IQGAP2: variants seen among roughly 807,000 people sequenced by gnomAD.
IQGAP2 encodes the protein IQ motif containing GTPase activating protein 2, also known as ras GTPase-activating-like protein IQGAP2.
In IQGAP2, 173 loss-of-function variants were observed where a neutral mutation model predicts 201.3. The ratio of observed to expected loss-of-function variants is 0.86; its 90% CI spans 0.76 to 0.98. The LOEUF (loss-of-function observed/expected upper bound fraction) is 0.98, where lower values mean the gene tolerates loss of function less well. Among genes scored for constraint, IQGAP2 ranks in the 50% least tolerant of loss-of-function variants. The pLI, the probability that IQGAP2 is intolerant of heterozygous loss-of-function variation, is 0.00. For missense variants in IQGAP2, 1,687 were observed against 1,864.8 expected (o/e 0.90, Z 1.76); for synonymous variants, 675 against 673.9 (o/e 1.00, Z -0.03).
At chr5:76,434,840 C>T (rs1235329546) in intron 1 of IQGAP2, among the ~76,000 whole-genome samples, 5 of 150,528 alleles carry the variant, frequency 3.3e-5, no homozygotes, top group Non-Finnish European at 7.4e-5. Context: ...TAAGCATTCC[C>T]TTTTCACCAC....
chr5:76,573,896 T>G (rs1745291943), intron 4 of IQGAP2, among the ~76,000 whole-genome samples: 3 of 151,960 alleles, frequency 2.0e-5, no homozygotes, highest in Admixed American at 2.0e-4. Flanking sequence ...AGCACCACCA[T>G]GCCCAGCTAA....
At chr5:76,442,482 G>T (rs759318882) in intron 1 of IQGAP2, among the ~76,000 whole-genome samples, 1 of 152,190 alleles carries the variant, frequency 6.6e-6, no homozygotes, top group Non-Finnish European at 1.5e-5. Context: ...GGGAGGGAAA[G>T]GAATGTGAAT....
Position 76,597,479 on chromosome 5 carries a change from A to G in IQGAP2, c.948A>G (p.Glu316=). ...AVDHINAVIP[E]GDPENTLLAL... is the part of the protein sequence containing the mutation. ...ACCATATCAATGCTGTCATTCCGGA[A>G]GGTGACCCCGAGAATACGCTGCTTG... The change falls in exon 10 of 36, where the codon GAA becomes GAG. Residue 316 remains glutamate (E), a synonymous_variant. Transcript: ENST00000274364. 1 of 1,614,050 alleles carries G rather than the reference A, an allele frequency of 6.2e-7. No individual in the cohort carries two copies. Among genetic ancestry groups the G allele is most frequent in the Non-Finnish European group, 8.5e-7 (1 of 1,179,996 alleles).
chr5:76,699,309 G>T (rs1373334341), intron 33 of IQGAP2: 1 of 152,040 alleles, frequency 6.6e-6, no homozygotes, highest in Admixed American at 6.5e-5. Context: ...TTTGTTTTAG[G>T]GCCGAATAGT....
intron 2 of IQGAP2, among the ~76,000 whole-genome samples, chr5:76,553,035 A>G (rs10474480): frequency 0.47 from 72,010 of 152,096 alleles, 17,478 homozygotes; most frequent in South Asian, 0.62. Context: ...TATGAGAGAA[A>G]GATAGGGGCC....
At position 76,641,079 on chromosome 5, in the gene IQGAP2, A is replaced by G. The variant is rs780173102; in HGVS notation, c.2070A>G (p.Gln690=). Residue 690 remains glutamine (Q), a synonymous_variant, in exon 17 of 36, where the codon CAA becomes CAG. Coordinates refer to ENST00000274364, the MANE Select transcript of IQGAP2 (RefSeq NM_006633.5). ...CTAGAAAATCATTTTTGCATGAACA[A>G]GAAGAGAATGTGGTCAAAATACAGG... ...FEARKSFLHE[Q]EENVVKIQAF... 3 of 1,604,152 alleles carry G rather than the reference A, an allele frequency of 1.9e-6. No homozygotes were observed. The South Asian group carries it at 3.3e-5, about 18-fold the overall frequency.
chr5:76,509,288 G>A (rs961091363), intron 2 of IQGAP2, among the ~76,000 whole-genome samples: 8 of 152,026 alleles, frequency 5.3e-5, no homozygotes, highest in African/African-American at 1.7e-4. Context: ...TAGTAACACT[G>A]AACAATGTTT....
At chr5:76,479,093 C>T (rs1755620253) in intron 2 of IQGAP2, among the ~76,000 whole-genome samples, 1 of 152,130 alleles carries the variant, frequency 6.6e-6, no homozygotes, top group African/African-American at 2.4e-5. Context: ...CCTCCGCCTT[C>T]CCGCCATGGT....
At chr5:76,588,293 A>G (rs563414398) in intron 5 of IQGAP2, among the ~76,000 whole-genome samples, 1 of 152,246 alleles carries the variant, frequency 6.6e-6, no homozygotes, top group Non-Finnish European at 1.5e-5. Context: ...TTCTTTTCTC[A>G]GGTTATGGGT....
intron 2 of IQGAP2, among the ~76,000 whole-genome samples, chr5:76,505,107 G>T (rs1489882225): frequency 6.6e-6 from 1 of 152,152 alleles, no homozygotes; most frequent in Non-Finnish European, 1.5e-5. Context: ...GGCCTGTATG[G>T]CACCCTCACT....
At chr5:76,541,671 T>C (rs1174610445) in intron 2 of IQGAP2, among the ~76,000 whole-genome samples, 2 of 152,236 alleles carry the variant, frequency 1.3e-5, no homozygotes, top group African/African-American at 4.8e-5. Flanking sequence ...CAACTTCTCA[T>C]CATCCTCACC....
intron 2 of IQGAP2, among the ~76,000 whole-genome samples, chr5:76,516,633 T>C (rs994041380): frequency 1.1e-4 from 16 of 152,134 alleles, no homozygotes; most frequent in Admixed American, 9.2e-4. Flanking sequence ...GGGGAGGGGG[T>C]TGCCGGAATA....
intron 2 of IQGAP2, among the ~76,000 whole-genome samples, chr5:76,490,698 C>G (rs1418550555): frequency 6.6e-6 from 1 of 152,080 alleles, no homozygotes. Context: ...CAGCAAGGAA[C>G]TGTATAGGTT....
At position 76,403,602 on chromosome 5, in the gene IQGAP2, CG is replaced by C; in HGVS notation, c.46+14del. ...GACCCCGCTATGGCTGTAAGTGCGC[CG>C]GGCGCGCGGGGTTCCTGCTGGCCTT... is the stretch of plus-strand genomic sequence containing the variant. On this transcript the variant is annotated intron_variant, in intron 1 of 35. Transcript: ENST00000274364. The surrounding 1 kb of genome is among the most constrained non-coding windows in gnomAD (Gnocchi z 4.8). 6.5e-7 allele frequency: 1 copy of C among 1,527,280 alleles called. No individual in the cohort carries two copies. The highest frequency in any genetic ancestry group is 8.8e-7 in the Non-Finnish European group (1 of 1,140,268). 94.6% of individuals were successfully genotyped at this position (1,527,280 alleles called of 1,614,324 possible).
chr5:76,425,312 C>T (rs1751935071), intron 1 of IQGAP2, among the ~76,000 whole-genome samples: 1 of 152,144 alleles, frequency 6.6e-6, no homozygotes. Flanking sequence ...TGCTTGGTTT[C>T]CTTTTTTCTT....
At chr5:76,479,820 T>C (rs944749899) in intron 2 of IQGAP2, among the ~76,000 whole-genome samples, 1 of 152,216 alleles carries the variant, frequency 6.6e-6, no homozygotes, top group African/African-American at 2.4e-5. Flanking sequence ...ACTTAAATGA[T>C]ATTCAGAAGT....
At chr5:76,484,026 G>A (rs2150147698) in intron 2 of IQGAP2, among the ~76,000 whole-genome samples, 1 of 151,486 alleles carries the variant, frequency 6.6e-6, no homozygotes, top group Non-Finnish European at 1.5e-5. Flanking sequence ...GGATGTTAGG[G>A]ATACACATTT....
intron 1 of IQGAP2, among the ~76,000 whole-genome samples, chr5:76,452,500 G>C (rs1253838230): frequency 6.6e-6 from 1 of 151,810 alleles, no homozygotes; most frequent in Admixed American, 6.6e-5. Flanking sequence ...TTTTTCTGTT[G>C]CTGGACTATA....
In IQGAP2 at chr5:76,707,436, C is replaced by G. The variant is rs1392218298; in HGVS notation, c.*123C>G. 1.6e-6 allele frequency: 1 copy of G among 644,232 alleles called. No individual in the cohort carries two copies. The highest frequency in any genetic ancestry group is 2.8e-6 in the Non-Finnish European group (1 of 362,306). The allele number at this position is 644,232 out of a possible 1,614,324, so 39.9% of individuals were successfully genotyped here. On this transcript the variant is annotated 3_prime_UTR_variant, in exon 36 of 36. Coordinates refer to ENST00000274364, the MANE Select transcript of IQGAP2 (RefSeq NM_006633.5). ...TAAATGTGTGATTTTTTTAAAACGACCAAAACTGTTCTGAAGAATGTACCC... is the reference window on the plus strand; with the variant it reads ...TAAATGTGTGATTTTTTTAAAACGAGCAAAACTGTTCTGAAGAATGTACCC...
Sources: allele counts gnomAD v4.1 joint callset (sites outside exome capture counted in the v4.1 genomes callset), GRCh38; gene constraint gnomAD v4.1.1; non-coding constraint Gnocchi (gnomAD v3.1); transcripts MANE v1.5; gene names NCBI Gene and HGNC (gene_info 2026-07-23, HGNC 2026-07-21).